EFCAB6: variants seen among roughly 807,000 people sequenced by gnomAD.
The protein encoded by EFCAB6 is EF-hand calcium-binding domain-containing protein 6.
EFCAB6 carries 156 observed loss-of-function variants against 169.8 expected under a neutral mutation model. The observed-to-expected ratio is 0.92, with a 90% CI of 0.81 to 1.05. EFCAB6 has a LOEUF of 1.05. Ranked by LOEUF, EFCAB6 falls within the 50% of genes least tolerant of loss-of-function variation. EFCAB6 has a pLI of 0.00. For missense variants in EFCAB6, 1,800 were observed against 1,829.1 expected (o/e 0.98, Z 0.29); for synonymous variants, 698 against 676.4 (o/e 1.03, Z -0.50).
chr22:43,544,907 G>C (rs1271839062), intron 27 of EFCAB6, among the ~76,000 whole-genome samples: 1 of 152,086 alleles, frequency 6.6e-6, no homozygotes, highest in Non-Finnish European at 1.5e-5. Context: ...CAGATCACGA[G>C]GTCAGGAGAT....
chr22:43,646,875 T>C (rs577220484), intron 17 of EFCAB6, among the ~76,000 whole-genome samples: 1 of 152,244 alleles, frequency 6.6e-6, no homozygotes, highest in Non-Finnish European at 1.5e-5. Flanking sequence ...TAGGAATGAA[T>C]TTGATAGAAT....
In EFCAB6 at chr22:43,556,275, A is replaced by C. The variant is rs182427460; in HGVS notation, c.3421-1179T>G. ...AGCTCTGACATGCATCTACTTGCTG[A>C]AATCAGAGGAAGGCTCCCAAAGCCA... On this transcript the variant is annotated intron_variant, in intron 26 of 31. Coordinates refer to ENST00000262726, the MANE Select transcript of EFCAB6 (RefSeq NM_022785.4). Among the ~76,000 whole-genome samples, 792 of 152,224 alleles carry C rather than the reference A, an allele frequency of 5.2e-3. 4 individuals carry two copies. The highest frequency in any genetic ancestry group is 0.041 in the Middle Eastern group (12 of 294).
At chr22:43,618,979 C>G (rs6006731) in intron 20 of EFCAB6, among the ~76,000 whole-genome samples, 1 of 151,326 alleles carries the variant, frequency 6.6e-6, no homozygotes, top group Non-Finnish European at 1.5e-5. Flanking sequence ...CGGAGCAGCA[C>G]AGATAGGCTA....
At chr22:43,695,977 TA>T (rs1247552816) in intron 10 of EFCAB6, among the ~76,000 whole-genome samples, 1 of 151,970 alleles carries the variant, frequency 6.6e-6, no homozygotes, top group Non-Finnish European at 1.5e-5. Context: ...GTCTCAAAAT[TA>T]AAAATGTTTA....
At chr22:43,763,280 C>G (rs2061226067) in intron 5 of EFCAB6, among the ~76,000 whole-genome samples, 1 of 152,036 alleles carries the variant, frequency 6.6e-6, no homozygotes, top group Non-Finnish European at 1.5e-5. Flanking sequence ...CTCAGGTGAT[C>G]TGCCCACTTC....
chr22:43,549,035 G>T (rs932290476), intron 27 of EFCAB6, among the ~76,000 whole-genome samples: 2 of 152,160 alleles, frequency 1.3e-5, no homozygotes, highest in African/African-American at 4.8e-5. Flanking sequence ...ATGGATCACA[G>T]AAGGAATCAA....
At chr22:43,562,791 T>C (rs1372462603) in intron 26 of EFCAB6, among the ~76,000 whole-genome samples, 3 of 9,114 alleles carry the variant, frequency 3.3e-4, no homozygotes, top group South Asian at 3.2e-3. Context: ...GGAGGCAGCC[T>C]GGTGCGGGGT....
chr22:43,570,441 G>A (rs1319314095), intron 26 of EFCAB6, among the ~76,000 whole-genome samples: 2 of 152,142 alleles, frequency 1.3e-5, no homozygotes, highest in Non-Finnish European at 2.9e-5. Context: ...AAACAGGAAC[G>A]ATTTTCTAAA....
chr22:43,674,118 A>G (rs955318045), intron 13 of EFCAB6, among the ~76,000 whole-genome samples: 1 of 152,210 alleles, frequency 6.6e-6, no homozygotes, highest in African/African-American at 2.4e-5. Context: ...TGTTTTTAAA[A>G]AACAGAAGTA....
chr22:43,610,842 A>C (rs567963440), intron 21 of EFCAB6, among the ~76,000 whole-genome samples: 22 of 152,344 alleles, frequency 1.4e-4, no homozygotes, highest in African/African-American at 5.3e-4. Flanking sequence ...TGTCCCAACA[A>C]CAAGTAAAAA....
At position 43,623,739 on chromosome 22, in the gene EFCAB6, CAAA is replaced by C. The variant is rs137720; in HGVS notation, c.2465+2705_2465+2707del. The stretch of plus-strand genomic sequence containing the variant: ...TGAAACCCCGTCTCTACTAAAAATA[CAAA>C]AAAAAAAAAAAAAAAAATTAGCCGG... On this transcript the variant is annotated intron_variant, in intron 20 of 31. Coordinates refer to ENST00000262726, the MANE Select transcript of EFCAB6 (RefSeq NM_022785.4). 3.7e-3 allele frequency among the ~76,000 whole-genome samples: 349 copies of C among 95,238 alleles called. 1 individual carries two copies. Among genetic ancestry groups the C allele is most frequent in the African/African-American group, 0.011 (278 of 25,368 alleles). 62.5% of individuals were successfully genotyped at this position (95,238 alleles called of 152,430 possible). A position where few individuals can be genotyped will look rare whatever the true frequency, so the allele number is the denominator to read the frequency against.
rs181938280 is a variant in EFCAB6 at position 43,795,068 on chromosome 22, G to A, written c.-7-12743C>T. Among the ~76,000 whole-genome samples, 5 of 152,014 alleles carry A rather than the reference G, an allele frequency of 3.3e-5. No homozygotes were observed. The highest frequency in any genetic ancestry group is 4.8e-5 in the African/African-American group (2 of 41,442). On this transcript the variant is annotated intron_variant, in intron 2 of 31. Coordinates refer to ENST00000262726, the MANE Select transcript of EFCAB6 (RefSeq NM_022785.4). The surrounding 1 kb of genome is among the most constrained non-coding windows in gnomAD (Gnocchi z 4.2). ...CCCCTTGCCCTGCCCGAACCTCATC[G>A]TCACAGACAGTCTACCCTCACACAC...
chr22:43,674,109 GT>G (rs1030783228), intron 13 of EFCAB6, among the ~76,000 whole-genome samples: 1 of 152,106 alleles, frequency 6.6e-6, no homozygotes, highest in African/African-American at 2.4e-5. Flanking sequence ...CAATAAAGCT[GT>G]TTTTAAAAAA....
chr22:43,672,273 CTT>C lies in EFCAB6; in HGVS notation c.1450_1451del (p.Lys484AspfsTer16). The C allele has an allele frequency of 6.2e-7, 1 of 1,614,124 alleles. No homozygotes were observed. The highest frequency in any genetic ancestry group is 1.3e-5 in the African/African-American group (1 of 75,040). On this transcript the variant is annotated frameshift_variant, in exon 14 of 32. Transcript: ENST00000262726. LOFTEE classifies it high-confidence loss of function. ...AATCCCAGGCCAGGAGGAAAGGTGT[CTT>C]AGCATCTGTACAGGGAGATGTCTTT... ...MRKTSPCTDA[K>X]TPFLLAWDSV...
At chr22:43,614,190 A>AAAAAAAAAAAAAAAAAAAAAAAAAC (rs2053528156) in intron 21 of EFCAB6, among the ~76,000 whole-genome samples, 1 of 150,648 alleles carries the variant, frequency 6.6e-6, no homozygotes, top group African/African-American at 2.4e-5. Flanking sequence ...AAAAAAAAAA[A>AAAAAAAAAAAAAAAAAAAAAAAAAC]AAAGAACAAA....
At chr22:43,763,371 A>C (rs2061229359) in intron 5 of EFCAB6, among the ~76,000 whole-genome samples, 1 of 152,094 alleles carries the variant, frequency 6.6e-6, no homozygotes, top group Non-Finnish European at 1.5e-5. Context: ...AACATGTACA[A>C]ATAACATAAC....
In EFCAB6 at chr22:43,744,021, GATGAATGAATGA is replaced by G. The variant is rs200830766; in HGVS notation, c.508-8040_508-8029del. Among the ~76,000 whole-genome samples the G allele has an allele frequency of 2.0e-5, 3 of 151,510 alleles. No homozygotes were observed. Among genetic ancestry groups the G allele is most frequent in the African/African-American group, 7.3e-5 (3 of 41,256 alleles). On this transcript the variant is annotated intron_variant, in intron 6 of 31. Coordinates refer to ENST00000262726, the MANE Select transcript of EFCAB6 (RefSeq NM_022785.4). This position sits in a 1 kb window ranked among gnomAD's most constrained non-coding sequence, Gnocchi z 4.3. ...TGAATGAATGGATGAAGGGATGAAT[GATGAATGAATGA>G]ATGAATGAATGGGTTATGGATGCAT...
chr22:43,638,457 C>T (rs1178950980), intron 17 of EFCAB6, among the ~76,000 whole-genome samples: 1 of 152,190 alleles, frequency 6.6e-6, no homozygotes, highest in Non-Finnish European at 1.5e-5. Flanking sequence ...AGATTGTAGA[C>T]CGACTCTTCC....
intron 10 of EFCAB6, among the ~76,000 whole-genome samples, chr22:43,693,733 T>C (rs572759275): frequency 1.3e-5 from 2 of 151,984 alleles, no homozygotes; most frequent in African/African-American, 4.8e-5. Flanking sequence ...GTTCTTTAAA[T>C]TTAAAACTGT....
Sources: allele counts gnomAD v4.1 joint callset (sites outside exome capture counted in the v4.1 genomes callset), GRCh38; gene constraint gnomAD v4.1.1; non-coding constraint Gnocchi (gnomAD v3.1); transcripts MANE v1.5; gene names NCBI Gene and HGNC (gene_info 2026-07-23, HGNC 2026-07-21).